The following RER1 variants were observed in gnomAD, a reference collection of about 807,000 sequenced individuals.
RER1 encodes the protein protein RER1.
In RER1, 6 loss-of-function variants were observed where a neutral mutation model predicts 28.3. The observed-to-expected ratio is 0.21, with a 90% CI of 0.12 to 0.42. The LOEUF (loss-of-function observed/expected upper bound fraction) is 0.42, where lower values mean the gene tolerates loss of function less well. Among genes scored for constraint, RER1 ranks in the 10% least tolerant of loss-of-function variants. The pLI, the probability that RER1 is intolerant of heterozygous loss-of-function variation, is 1.00. For synonymous variants in RER1, 110 were observed against 95.9 expected (o/e 1.15, Z -0.86); for missense variants, 159 against 252.9 (o/e 0.63, Z 2.52).
Position 2,402,645 on chromosome 1 carries a change from C to T in RER1, c.501+303C>T, listed in dbSNP as rs528329748. Among the ~76,000 whole-genome samples the T allele has an allele frequency of 7.2e-5, 11 of 152,316 alleles. No homozygotes were observed. In the South Asian group the frequency reaches 1.2e-3, roughly 17 times the overall value. On this transcript the variant is annotated intron_variant, in intron 6 of 6. Transcript: ENST00000605895. ...GCTCCTCTTAGGGTGCCCAGTGCCC[C>T]GCGCCAGCCTGCCCGAGGAGGAGGG...
chr1:2,401,210 TCCTCCTCCCTCCTCCTCC>T, intron 5 of RER1, among the ~76,000 whole-genome samples: 1 of 112,842 alleles, frequency 8.9e-6, no homozygotes, highest in South Asian at 3.1e-4. Context: ...CTGTCCTCCC[TCCTCCTCCCTCCTCCTCC>T]CTTCCTCCCT....
chr1:2,401,287 TTCCTCCCTCCTTCCTGCCG>T (rs1642850341), intron 5 of RER1, among the ~76,000 whole-genome samples: 1 of 29,252 alleles, frequency 3.4e-5, no homozygotes, highest in Admixed American at 4.1e-4. Flanking sequence ...TCCCTCCTCC[TTCCTCCCTCCTTCCTGCCG>T]CCTCCTCCCT....
chr1:2,393,584 C>A (rs1436038665), intron 1 of RER1, among the ~76,000 whole-genome samples: 1 of 152,156 alleles, frequency 6.6e-6, no homozygotes, highest in Non-Finnish European at 1.5e-5. Flanking sequence ...CCCACTGATT[C>A]CTCACGAGAG....
Position 2,404,627 on chromosome 1 carries a change from G to A in RER1, c.*1503G>A, listed in dbSNP as rs977274066. 1.3e-5 allele frequency: 2 copies of A among 152,268 alleles called. No individual in the cohort carries two copies. The highest frequency in any genetic ancestry group is 4.8e-5 in the African/African-American group (2 of 41,454). The allele number at this position is 152,268 out of a possible 1,614,324, so 9.4% of individuals were successfully genotyped here. Reference sequence around the variant, plus strand: ...GGCAAGCTGACCTTGACTAACCCAGGAATACAGGGTCATCCTCATTCCTAA... The same window carrying A: ...GGCAAGCTGACCTTGACTAACCCAGAAATACAGGGTCATCCTCATTCCTAA... On this transcript the variant is annotated 3_prime_UTR_variant, in exon 7 of 7. Coordinates refer to ENST00000605895, the MANE Select transcript of RER1 (RefSeq NM_007033.5).
At chr1:2,401,572 C>T (rs373711106) in intron 5 of RER1, among the ~76,000 whole-genome samples, 84 of 150,782 alleles carry the variant, frequency 5.6e-4, no homozygotes, top group African/African-American at 1.9e-3. Context: ...GGGACGGGAG[C>T]GTGTGCATCC....
chr1:2,399,092 G>C (rs923916828), intron 3 of RER1, among the ~76,000 whole-genome samples: 5 of 152,198 alleles, frequency 3.3e-5, no homozygotes, highest in African/African-American at 1.2e-4. Flanking sequence ...TGCTTCTTGA[G>C]AAAAGCCTCC....
intron 1 of RER1, chr1:2,393,968 C>T (rs1344272280): frequency 6.6e-6 from 1 of 152,172 alleles, no homozygotes; most frequent in African/African-American, 2.4e-5. Flanking sequence ...TATTTTCTCC[C>T]TGACATTACT....
intron 4 of RER1, among the ~76,000 whole-genome samples, chr1:2,400,007 G>C (rs1557903015): frequency 6.6e-6 from 1 of 152,256 alleles, no homozygotes; most frequent in Non-Finnish European, 1.5e-5. Flanking sequence ...TTTCTGAGGA[G>C]CTGTGAGCTG....
chr1:2,402,405 G>A, intron 6 of RER1, 63 bp downstream of exon 6: 1 of 1,607,216 alleles, frequency 6.2e-7, no homozygotes, highest in Non-Finnish European at 8.5e-7. Context: ...GCAGCATTGG[G>A]GGAGCTGTGC....
intron 5 of RER1, chr1:2,401,871 A>T: frequency 2.9e-6 from 2 of 687,638 alleles, no homozygotes; most frequent in Non-Finnish European, 4.8e-6. Flanking sequence ...TGGATGGTCC[A>T]CAAGACACAG....
intron 5 of RER1, chr1:2,401,974 G>T: frequency 2.1e-6 from 3 of 1,456,918 alleles, no homozygotes; most frequent in Non-Finnish European, 2.7e-6. Flanking sequence ...GTTTTAAGAA[G>T]AATTGTGTCT....
intron 4 of RER1, 34 bp downstream of exon 4, chr1:2,399,548 C>A: frequency 7.4e-7 from 1 of 1,345,534 alleles, no homozygotes; most frequent in Non-Finnish European, 1.1e-6. Flanking sequence ...GCTGTGTGGG[C>A]AGGTTGGGCC....
rs1011889142 is a variant in RER1, at chr1:2,391,910, T to C, written c.-56T>C. 4 of 203,504 alleles carry C rather than the reference T, an allele frequency of 2.0e-5. No homozygotes were observed. The highest frequency in any genetic ancestry group is 3.9e-5 in the Non-Finnish European group (4 of 101,938). 12.6% of individuals were successfully genotyped at this position (203,504 alleles called of 1,614,324 possible). A position where few individuals can be genotyped will look rare whatever the true frequency, so the allele number is the denominator to read the frequency against. ...GCCGCCCGTGCCCCGCCGTCCTCCT[T>C]CCCGCGGCCGTGAGGGAGACCGCGG... On this transcript the variant is annotated 5_prime_UTR_variant, in exon 1 of 7. Transcript: ENST00000605895.
At chr1:2,400,979 G>C in intron 5 of RER1, 44 bp downstream of exon 5, 1 of 1,522,926 alleles carries the variant, frequency 6.6e-7, no homozygotes, top group African/African-American at 1.4e-5. Flanking sequence ...TGTGCTCAAG[G>C]GTGGCTGAGA....
At chr1:2,397,858 C>T (rs550866623) in intron 3 of RER1, among the ~76,000 whole-genome samples, 3 of 152,274 alleles carry the variant, frequency 2.0e-5, no homozygotes, top group South Asian at 4.1e-4. Flanking sequence ...AATTCTTCGT[C>T]GGTCTTTAGA....
rs193006211 is a variant in RER1 at position 2,398,124 on chromosome 1, C to T, written c.186+904C>T. Reference sequence around the variant, plus strand: ...ACCCACAGGTCAGTTTTATTGCGTTCGAAACCAAGCTCGTGCCTCATTTGG... The same window carrying T: ...ACCCACAGGTCAGTTTTATTGCGTTTGAAACCAAGCTCGTGCCTCATTTGG... On this transcript the variant is annotated intron_variant, in intron 3 of 6. Transcript: ENST00000605895. Among the ~76,000 whole-genome samples the T allele has an allele frequency of 6.4e-4, 97 of 152,340 alleles. No individual in the cohort carries two copies. In the East Asian group the frequency reaches 9.2e-3, roughly 15 times the overall value.
chr1:2,395,944 A>T, intron 2 of RER1, 73 bp downstream of exon 2: 1 of 1,184,528 alleles, frequency 8.4e-7, no homozygotes, highest in East Asian at 2.3e-5. Flanking sequence ...TTCGGGAAGG[A>T]TCTGTTTGCT....
At position 2,397,275 on chromosome 1, in the gene RER1, A is replaced by G. The variant is rs2645081; in HGVS notation, c.186+55A>G. 1,056,348 of 1,187,854 alleles carry G rather than the reference A, an allele frequency of 0.89. 472,045 individuals are homozygous for G. Among genetic ancestry groups the G allele is most frequent in the Non-Finnish European group, 0.91 (723,980 of 792,546 alleles). The allele number at this position is 1,187,854 out of a possible 1,614,324, so 73.6% of individuals were successfully genotyped here. ...GCTCTGTCCACGTTACCTGGGCGTG[A>G]TGTTTGTGGGGATGTTGTTGATCCA... On this transcript the variant is annotated intron_variant, in intron 3 of 6. Coordinates refer to ENST00000605895, the MANE Select transcript of RER1 (RefSeq NM_007033.5).
chr1:2,393,598 T>C (rs947513892), intron 1 of RER1, among the ~76,000 whole-genome samples: 2 of 152,082 alleles, frequency 1.3e-5, no homozygotes, highest in East Asian at 3.9e-4. Flanking sequence ...ACGAGAGCCT[T>C]GTGGAGAAGG....
Sources: gnomAD v4.1 joint callset for allele counts (sites outside exome capture counted in the v4.1 genomes callset) on GRCh38, gnomAD v4.1.1 for gene constraint, MANE v1.5 for transcripts, NCBI Gene and HGNC (gene_info 2026-07-23, HGNC 2026-07-21) for gene names.